Variants in LINGO2 observed in about 807,000 individuals in gnomAD.
LINGO2 encodes leucine rich repeat and Ig domain containing 2.
A neutral mutation model predicts 30.6 loss-of-function variants in LINGO2; 14 were observed. The ratio of observed to expected loss-of-function variants is 0.46; its 90% CI spans 0.30 to 0.72. LINGO2 has a LOEUF of 0.72. Among genes scored for constraint, LINGO2 ranks in the 30% least tolerant of loss-of-function variants. The pLI is 0.07. For missense variants in LINGO2, 729 were observed against 751.7 expected (o/e 0.97, Z 0.35); for synonymous variants, 317 against 288.5 (o/e 1.10, Z -1.00).
chr9:28,161,431 A>G (rs1280464366), intron 4 of LINGO2, among the ~76,000 whole-genome samples: 2 of 152,176 alleles, frequency 1.3e-5, no homozygotes, highest in African/African-American at 4.8e-5. Flanking sequence ...TAATGACAAT[A>G]ATTTTTTCAT....
chr9:28,253,706 T>C (rs1297310104), intron 4 of LINGO2, among the ~76,000 whole-genome samples: 1 of 152,124 alleles, frequency 6.6e-6, no homozygotes, highest in African/African-American at 2.4e-5. Context: ...TACCACCACC[T>C]TAACCTGCGG....
At chr9:28,303,976 T>C (rs932293570) in intron 3 of LINGO2, among the ~76,000 whole-genome samples, 1 of 152,118 alleles carries the variant, frequency 6.6e-6, no homozygotes, top group Non-Finnish European at 1.5e-5. Flanking sequence ...TGTGTGTATG[T>C]GTACATATAT....
At chr9:28,522,753 C>T (rs923168635) in intron 1 of LINGO2, among the ~76,000 whole-genome samples, 3 of 151,842 alleles carry the variant, frequency 2.0e-5, no homozygotes, top group South Asian at 2.1e-4. Context: ...ACAGAGCATT[C>T]GAAATTTGTA....
intron 3 of LINGO2, among the ~76,000 whole-genome samples, chr9:28,366,227 T>C (rs1385993820): frequency 6.6e-6 from 1 of 152,216 alleles, no homozygotes; most frequent in Non-Finnish European, 1.5e-5. Flanking sequence ...TCATCCATTC[T>C]ATAGAAATGA....
chr9:28,969,846 G>C, the LINGO2 span, among the ~76,000 whole-genome samples: 3 of 152,208 alleles, frequency 2.0e-5, no homozygotes, highest in Admixed American at 6.5e-5. Context: ...TAAAGCAAAA[G>C]TTTTGTTTTT....
At chr9:28,055,372 C>T (rs1019199242) in intron 4 of LINGO2, among the ~76,000 whole-genome samples, 1 of 152,132 alleles carries the variant, frequency 6.6e-6, no homozygotes, top group African/African-American at 2.4e-5. Flanking sequence ...TCTAAACAAG[C>T]TTCAGCCAAG....
At chr9:28,593,110 G>A (rs948503451) in intron 1 of LINGO2, among the ~76,000 whole-genome samples, 1 of 151,954 alleles carries the variant, frequency 6.6e-6, no homozygotes, top group South Asian at 2.1e-4. Flanking sequence ...TTAGACTTCA[G>A]CAAATCAAGA....
At chr9:28,883,966 C>T in the LINGO2 span, among the ~76,000 whole-genome samples, 3 of 151,654 alleles carry the variant, frequency 2.0e-5, no homozygotes, top group Non-Finnish European at 4.4e-5. Context: ...GCGTGAGCCA[C>T]CGCGCCCGGC....
At chr9:28,813,428 G>A in the LINGO2 span, among the ~76,000 whole-genome samples, 1 of 152,120 alleles carries the variant, frequency 6.6e-6, no homozygotes, top group African/African-American at 2.4e-5. Context: ...ATAGCTTATT[G>A]TACTGTACTC....
intron 1 of LINGO2, among the ~76,000 whole-genome samples, chr9:28,518,665 C>T (rs996281222): frequency 2.6e-5 from 4 of 152,160 alleles, no homozygotes; most frequent in African/African-American, 9.7e-5. Flanking sequence ...TAAGCTCCTC[C>T]ATATAATTTA....
the LINGO2 span, among the ~76,000 whole-genome samples, chr9:29,130,841 C>A: frequency 5.9e-5 from 9 of 151,898 alleles, no homozygotes; most frequent in Non-Finnish European, 1.0e-4. Flanking sequence ...GCTGGTCATG[C>A]CTTCTAAAGT....
intron 3 of LINGO2, among the ~76,000 whole-genome samples, chr9:28,302,600 A>G (rs1824190304): frequency 6.6e-6 from 1 of 152,098 alleles, no homozygotes; most frequent in African/African-American, 2.4e-5. Flanking sequence ...GAACCCAGGA[A>G]GTTGTGGCTG....
At position 28,170,070 on chromosome 9, in the gene LINGO2, C is replaced by A. The variant is rs1828539090; in HGVS notation, c.-87+125138G>T. Among the ~76,000 whole-genome samples, 4 of 152,200 alleles carry A rather than the reference C, an allele frequency of 2.6e-5. No homozygotes were observed. The South Asian group carries it at 8.3e-4, about 32-fold the overall frequency. ...GGAAGTTCCAAGGAGGCAAGAATAA[C>A]TTTCTGTTGTATTCACTGCTAAGTT... is the stretch of plus-strand genomic sequence containing the variant. On this transcript the variant is annotated intron_variant, in intron 4 of 5. Transcript: ENST00000379992.
intron 4 of LINGO2, among the ~76,000 whole-genome samples, chr9:28,182,598 G>A (rs889058311): frequency 6.6e-6 from 1 of 151,948 alleles, no homozygotes. Context: ...AATTTACAAG[G>A]AACTTAAACA....
At chr9:28,261,636 C>T (rs573748535) in intron 4 of LINGO2, among the ~76,000 whole-genome samples, 41 of 151,560 alleles carry the variant, frequency 2.7e-4, no homozygotes, top group Non-Finnish European at 5.6e-4. Flanking sequence ...TGACAAATAC[C>T]CCTAGAGACA....
At chr9:29,007,556 G>C in the LINGO2 span, among the ~76,000 whole-genome samples, 1 of 151,974 alleles carries the variant, frequency 6.6e-6, no homozygotes. Context: ...GCCACTGAAG[G>C]CCTTTTTTTC....
intron 5 of LINGO2, among the ~76,000 whole-genome samples, chr9:28,011,001 A>C (rs1440986744): frequency 2.0e-5 from 3 of 152,278 alleles, no homozygotes; most frequent in Non-Finnish European, 2.9e-5. Context: ...CAATCTTAAC[A>C]TTATCCACAG....
chr9:28,241,261 C>G (rs1821775532), intron 4 of LINGO2, among the ~76,000 whole-genome samples: 2 of 88,258 alleles, frequency 2.3e-5, no homozygotes, highest in Non-Finnish European at 4.2e-5. Flanking sequence ...AAGCAAGACC[C>G]TGTCTCAAAA....
intron 3 of LINGO2, among the ~76,000 whole-genome samples, chr9:28,305,277 T>G (rs1176539786): frequency 2.0e-5 from 3 of 152,096 alleles, no homozygotes; most frequent in Non-Finnish European, 2.9e-5. Flanking sequence ...TTATACTTGA[T>G]GAAAGTCTGA....
Sources: gnomAD v4.1 joint callset for allele counts (sites outside exome capture counted in the v4.1 genomes callset) on GRCh38, gnomAD v4.1.1 for gene constraint, MANE v1.5 for transcripts, NCBI Gene and HGNC (gene_info 2026-07-23, HGNC 2026-07-21) for gene names.